The following EGFLAM variants were observed in gnomAD, a reference collection of about 807,000 sequenced individuals.
The protein encoded by EGFLAM is EGF like, fibronectin type III and laminin G domains, also known as pikachurin.
EGFLAM carries 79 observed loss-of-function variants against 113.1 expected under a neutral mutation model. The ratio of observed to expected loss-of-function variants is 0.70; its 90% confidence interval spans 0.58 to 0.84. EGFLAM has a LOEUF of 0.84. EGFLAM is among the 40% of genes least tolerant of loss of function. The pLI, the probability that EGFLAM is intolerant of heterozygous loss-of-function variation, is 0.00. For missense variants in EGFLAM, 1,265 were observed against 1,291.6 expected (o/e 0.98, Z 0.32); for synonymous variants, 504 against 487.6 (o/e 1.03, Z -0.44).
intron 3 of EGFLAM, among the ~76,000 whole-genome samples, chr5:38,342,839 ATATAT>A (rs1458781159): frequency 1.3e-5 from 2 of 152,176 alleles, no homozygotes; most frequent in Non-Finnish European, 2.9e-5. Context: ...TACGGTACTA[ATATAT>A]TATGTACATT....
chr5:38,392,807 A>G (rs1740850168), intron 6 of EGFLAM, among the ~76,000 whole-genome samples: 1 of 152,154 alleles, frequency 6.6e-6, no homozygotes. Context: ...TACATTAGGT[A>G]TATCTCTTAG....
At chr5:38,454,275 A>T (rs765762074) in intron 19 of EGFLAM, among the ~76,000 whole-genome samples, 2 of 152,154 alleles carry the variant, frequency 1.3e-5, no homozygotes, top group African/African-American at 4.8e-5. Flanking sequence ...CTGATTAGAA[A>T]CAAGCACCCG....
Position 38,382,443 on chromosome 5 carries a change from G to C in EGFLAM, c.712+11981G>C, listed in dbSNP as rs765610691. Among the ~76,000 whole-genome samples the C allele has an allele frequency of 2.6e-5, 4 of 152,150 alleles. No homozygotes were observed. The South Asian group carries it at 8.3e-4, about 32-fold the overall frequency. On this transcript the variant is annotated intron_variant, in intron 6 of 21. Coordinates refer to ENST00000322350, the MANE Select transcript of EGFLAM (RefSeq NM_152403.4). ...GTAAACAAAGCTGGGCCTCTTGATG[G>C]TAACCTTACTTGTCTTTTGGTTGTC...
intron 6 of EGFLAM, among the ~76,000 whole-genome samples, chr5:38,378,398 T>C (rs1342872915): frequency 6.6e-6 from 1 of 152,146 alleles, no homozygotes; most frequent in Admixed American, 6.5e-5. Context: ...CATGTTGTCA[T>C]AGAGCCACAG....
At chr5:38,353,389 A>G (rs1158990154) in intron 5 of EGFLAM, among the ~76,000 whole-genome samples, 1 of 152,200 alleles carries the variant, frequency 6.6e-6, no homozygotes, top group Non-Finnish European at 1.5e-5. Context: ...GTTAAAGGTG[A>G]TGGGGCTTGT....
chr5:38,351,109 CTTTT>C (rs981908561), intron 4 of EGFLAM, among the ~76,000 whole-genome samples: 1 of 135,766 alleles, frequency 7.4e-6, no homozygotes, highest in African/African-American at 2.7e-5. Context: ...AGCAGCACTT[CTTTT>C]TTTTTTTTTT....
rs1742911042 is a variant in EGFLAM at position 38,451,442 on chromosome 5, G to A, written c.2671G>A (p.Gly891Arg). ...CTTCATTTCCTTGGGCCTTCGGGAT[G>A]GAGCCCTCGTGTTCAGGTAACCCCC... ...SDFISLGLRD[G>R]ALVFSYNLGS... Residue 891 changes from glycine (G) to arginine (R), a missense_variant, in exon 19 of 22, where the codon GGA becomes AGA. Gly to Arg is a moderately radical substitution (Grantham distance 125, BLOSUM62 -2). Transcript: ENST00000322350. The A allele has an allele frequency of 2.5e-6, 4 of 1,614,040 alleles. No homozygotes were observed. Among genetic ancestry groups the A allele is most frequent in the South Asian group, 2.2e-5 (2 of 91,080 alleles).
intron 19 of EGFLAM, among the ~76,000 whole-genome samples, chr5:38,455,219 G>A (rs758676030): frequency 6.6e-6 from 1 of 152,166 alleles, no homozygotes; most frequent in Admixed American, 6.5e-5. Context: ...GAAGGTGGCC[G>A]AGTGGTTTCC....
chr5:38,365,562 C>A (rs991830191), intron 5 of EGFLAM, among the ~76,000 whole-genome samples: 2 of 152,068 alleles, frequency 1.3e-5, no homozygotes, highest in Non-Finnish European at 2.9e-5. Context: ...AAGTTCAGTG[C>A]AGTGTGTTTC....
chr5:38,417,465 G>A (rs1741689095), intron 11 of EGFLAM, among the ~76,000 whole-genome samples: 1 of 151,058 alleles, frequency 6.6e-6, no homozygotes, highest in African/African-American at 2.4e-5. Flanking sequence ...ATTGTGGTTT[G>A]GTCTAAGATG....
chr5:38,435,849 G>A (rs1461506139), intron 16 of EGFLAM, among the ~76,000 whole-genome samples: 1 of 117,372 alleles, frequency 8.5e-6, no homozygotes, highest in East Asian at 2.5e-4. Flanking sequence ...ATTGAGTCTC[G>A]CTCTGTCGCC....
chr5:38,441,419 A>C (rs1742528272), intron 17 of EGFLAM, among the ~76,000 whole-genome samples: 1 of 152,064 alleles, frequency 6.6e-6, no homozygotes, highest in African/African-American at 2.4e-5. Context: ...ATCAAAAATT[A>C]CTTCCATACT....
At chr5:38,391,776 A>G (rs1254735486) in intron 6 of EGFLAM, among the ~76,000 whole-genome samples, 4 of 151,526 alleles carry the variant, frequency 2.6e-5, no homozygotes, top group African/African-American at 9.7e-5. Context: ...GTCCTTCACA[A>G]TGCCTTTTCT....
At chr5:38,346,079 C>G (rs1684952739) in intron 3 of EGFLAM, among the ~76,000 whole-genome samples, 1 of 152,068 alleles carries the variant, frequency 6.6e-6, no homozygotes, top group Non-Finnish European at 1.5e-5. Flanking sequence ...CGGGAAACAG[C>G]CAGCTTCAGG....
At chr5:38,265,402 G>A (rs1036436185) in intron 1 of EGFLAM, among the ~76,000 whole-genome samples, 2 of 152,220 alleles carry the variant, frequency 1.3e-5, no homozygotes, top group Admixed American at 1.3e-4. Flanking sequence ...CCAGCTGACT[G>A]AATGATGTGA....
intron 6 of EGFLAM, among the ~76,000 whole-genome samples, chr5:38,405,095 T>C (rs1188122050): frequency 1.3e-5 from 2 of 152,124 alleles, no homozygotes; most frequent in African/African-American, 4.8e-5. Flanking sequence ...AGGGCCCCCT[T>C]TTTTTGGTTG....
rs188983153 is a variant in EGFLAM at position 38,277,525 on chromosome 5, A to G, written c.97+18674A>G. Among the ~76,000 whole-genome samples the G allele has an allele frequency of 2.2e-4, 33 of 152,242 alleles. 1 individual carries two copies. The South Asian group carries it at 6.2e-3, about 29-fold the overall frequency. On this transcript the variant is annotated intron_variant, in intron 1 of 21. Transcript: ENST00000322350. ...TGAGATAAGGATGTCCATTTTCCCTACTCTTATTAAACATTGTACTAGAAG... is the reference window on the plus strand; with the variant it reads ...TGAGATAAGGATGTCCATTTTCCCTGCTCTTATTAAACATTGTACTAGAAG...
chr5:38,338,908 A>G (rs2111950809), intron 3 of EGFLAM, 127 bp downstream of exon 3: 1 of 776,024 alleles, frequency 1.3e-6, no homozygotes, highest in East Asian at 2.7e-5. Flanking sequence ...GTCCTTTAGG[A>G]TTTCCAAATG....
chr5:38,341,044 C>T (rs886620495), intron 3 of EGFLAM, among the ~76,000 whole-genome samples: 4 of 152,190 alleles, frequency 2.6e-5, no homozygotes, highest in African/African-American at 7.2e-5. Flanking sequence ...TACTAGGTCT[C>T]AGTTTCCTCA....
Sources: allele counts gnomAD v4.1 joint callset (sites outside exome capture counted in the v4.1 genomes callset), GRCh38; gene constraint gnomAD v4.1.1; transcripts MANE v1.5; gene names NCBI Gene and HGNC (gene_info 2026-07-23, HGNC 2026-07-21).